Variants in NRCAM observed in about 807,000 individuals in gnomAD.
The protein encoded by NRCAM is neuronal cell adhesion molecule, also known as NgCAM-related cell adhesion molecule.
A neutral mutation model predicts 156.5 loss-of-function variants in NRCAM; 83 were observed. That is an observed-to-expected ratio of 0.53 (90% CI 0.44 to 0.64). NRCAM has a LOEUF of 0.64. Ranked by LOEUF, NRCAM falls within the 30% of genes least tolerant of loss-of-function variation. The pLI is 0.00. For synonymous variants in NRCAM, 538 were observed against 563.9 expected (o/e 0.95, Z 0.65); for missense variants, 1,417 against 1,597.3 (o/e 0.89, Z 1.92).
At chr7:108,265,069 A>G (rs1287781606) in intron 3 of NRCAM, among the ~76,000 whole-genome samples, 1 of 152,160 alleles carries the variant, frequency 6.6e-6, no homozygotes, top group Non-Finnish European at 1.5e-5. Context: ...ATGGAGCCCC[A>G]CCTTCTGAAA....
At chr7:108,453,086 A>G (rs1364912705) in intron 1 of NRCAM, among the ~76,000 whole-genome samples, 1 of 152,220 alleles carries the variant, frequency 6.6e-6, no homozygotes, top group African/African-American at 2.4e-5. Flanking sequence ...TAATCTTCCC[A>G]AGGACAGATA....
intron 2 of NRCAM, among the ~76,000 whole-genome samples, chr7:108,336,741 C>A (rs1361544372): frequency 2.0e-5 from 3 of 152,060 alleles, no homozygotes; most frequent in Non-Finnish European, 4.4e-5. Context: ...ATGTAAACAA[C>A]TGAATGTAAA....
chr7:108,414,179 G>A (rs1798744799), intron 1 of NRCAM, among the ~76,000 whole-genome samples: 1 of 152,162 alleles, frequency 6.6e-6, no homozygotes, highest in Non-Finnish European at 1.5e-5. Context: ...ACAAGAAGGA[G>A]CTAAAAGATC....
At chr7:108,274,169 A>G (rs6970186) in intron 3 of NRCAM, among the ~76,000 whole-genome samples, 3,629 of 152,258 alleles carry the variant, frequency 0.024, 149 homozygotes, top group African/African-American at 0.082. Flanking sequence ...GAAGTCAGGT[A>G]GCGTGATGCC....
chr7:108,308,788 G>T (rs1227045523), intron 3 of NRCAM, among the ~76,000 whole-genome samples: 1 of 152,192 alleles, frequency 6.6e-6, no homozygotes, highest in African/African-American at 2.4e-5. Flanking sequence ...TGAGAAGGGG[G>T]ATAAGGTGAG....
intron 2 of NRCAM, among the ~76,000 whole-genome samples, chr7:108,319,568 T>C (rs948546818): frequency 9.9e-5 from 15 of 152,180 alleles, no homozygotes; most frequent in African/African-American, 3.6e-4. Context: ...TGGCAGAAGA[T>C]AGATATTGAA....
chr7:108,410,069 C>T (rs2154410034), intron 1 of NRCAM, among the ~76,000 whole-genome samples: 1 of 152,138 alleles, frequency 6.6e-6, no homozygotes, highest in Non-Finnish European at 1.5e-5. Context: ...ATAGGCATAC[C>T]CAGCAAATAG....
intron 2 of NRCAM, among the ~76,000 whole-genome samples, chr7:108,335,461 A>ATTTTTTTTTTTTTTTTTTGTTT (rs2099173387): frequency 3.9e-5 from 1 of 25,548 alleles, no homozygotes; most frequent in African/African-American, 1.5e-4. Context: ...TTTTTTTTTC[A>ATTTTTTTTTTTTTTTTTTGTTT]GTTTTCACTG....
Position 108,176,410 on chromosome 7 carries a change from T to A in NRCAM, c.3151+20A>T. Reference sequence around the variant, plus strand: ...TCATGATGCTTATAATTATATGGATTTTATACATACCCATCTTACCTTCAT... The same window carrying A: ...TCATGATGCTTATAATTATATGGATATTATACATACCCATCTTACCTTCAT... On this transcript the variant is annotated intron_variant, in intron 27 of 32. Coordinates refer to ENST00000379028, the MANE Select transcript of NRCAM (RefSeq NM_001037132.4). 3 of 1,598,604 alleles carry A rather than the reference T, an allele frequency of 1.9e-6. No individual in the cohort carries two copies. Among genetic ancestry groups the A allele is most frequent in the Non-Finnish European group, 2.6e-6 (3 of 1,168,156 alleles).
chr7:108,366,223 G>GT (rs2099591008), intron 2 of NRCAM, among the ~76,000 whole-genome samples: 1 of 152,236 alleles, frequency 6.6e-6, no homozygotes, highest in East Asian at 1.9e-4. Flanking sequence ...CCAGTCTCAG[G>GT]TTTTTTGTTA....
intron 2 of NRCAM, among the ~76,000 whole-genome samples, chr7:108,388,136 TG>T (rs2099747411): frequency 6.6e-6 from 1 of 152,212 alleles, no homozygotes; most frequent in South Asian, 2.1e-4. Flanking sequence ...ATTGCCACAC[TG>T]ACTTCCACAA....
At chr7:108,398,435 T>A (rs1485798546) in intron 2 of NRCAM, among the ~76,000 whole-genome samples, 2 of 152,180 alleles carry the variant, frequency 1.3e-5, no homozygotes, top group Non-Finnish European at 2.9e-5. Flanking sequence ...CCTTCAATAT[T>A]GCTCTAGTTC....
chr7:108,383,434 A>G (rs1284211902), intron 2 of NRCAM, among the ~76,000 whole-genome samples: 1 of 152,230 alleles, frequency 6.6e-6, no homozygotes, highest in Admixed American at 6.5e-5. Flanking sequence ...GCAGCACGAC[A>G]GCCAGAACGA....
intron 1 of NRCAM, among the ~76,000 whole-genome samples, chr7:108,425,958 A>G (rs1816753967): frequency 1.3e-5 from 2 of 152,248 alleles, no homozygotes; most frequent in Non-Finnish European, 2.9e-5. Context: ...GTCTAGAGCA[A>G]CTGGCCTAAA....
intron 11 of NRCAM, among the ~76,000 whole-genome samples, chr7:108,216,177 G>A (rs1269278218): frequency 6.6e-6 from 1 of 152,148 alleles, no homozygotes; most frequent in Non-Finnish European, 1.5e-5. Context: ...ACGAAGCTTA[G>A]TTTGGCTGGA....
At chr7:108,152,392 A>G (rs978022029) in intron 32 of NRCAM, among the ~76,000 whole-genome samples, 1 of 151,992 alleles carries the variant, frequency 6.6e-6, no homozygotes, top group African/African-American at 2.4e-5. Flanking sequence ...TTCTAGGAAC[A>G]CTAAGGAGCT....
intron 2 of NRCAM, among the ~76,000 whole-genome samples, chr7:108,327,886 A>G (rs2099086560): frequency 6.6e-6 from 1 of 152,206 alleles, no homozygotes; most frequent in Non-Finnish European, 1.5e-5. Flanking sequence ...GCACACAAAA[A>G]GTATTATACT....
At chr7:108,380,947 G>A (rs1452401323) in intron 2 of NRCAM, among the ~76,000 whole-genome samples, 2 of 152,290 alleles carry the variant, frequency 1.3e-5, no homozygotes, top group East Asian at 3.9e-4. Flanking sequence ...GCTCATGCCT[G>A]TAGTCCCAAG....
chr7:108,156,514 T>C, intron 32 of NRCAM: 3 of 679,190 alleles, frequency 4.4e-6, no homozygotes, highest in Non-Finnish European at 5.4e-6. Context: ...TGCTTGGGGG[T>C]GGGTGTCAGA....
Sources: allele counts gnomAD v4.1 joint callset (sites outside exome capture counted in the v4.1 genomes callset), GRCh38; gene constraint gnomAD v4.1.1; transcripts MANE v1.5; gene names NCBI Gene and HGNC (gene_info 2026-07-23, HGNC 2026-07-21).